The following DMD variants were observed in gnomAD, a reference collection of about 807,000 sequenced individuals.
The protein encoded by DMD is mutant dystrophin.
In DMD, 63 loss-of-function variants were observed where a neutral mutation model predicts 330.1. The ratio of observed to expected loss-of-function variants is 0.19; its 90% confidence interval spans 0.16 to 0.24. DMD has a LOEUF of 0.24. Among genes scored for constraint, DMD ranks in the 10% least tolerant of loss-of-function variants. The probability of loss-of-function intolerance (pLI) is 1.00; values close to 1 mark genes in which losing one functional copy is unlikely to be tolerated. For missense variants in DMD, 3,344 were observed against 2,684.1 expected, an observed-to-expected ratio of 1.25 and a Z score of -5.43; for synonymous variants, 1,223 against 959.8, an observed-to-expected ratio of 1.27 and a Z score of -5.07.
chrX:32,394,809 T>C (rs1399005879), intron 30 of DMD, among the ~76,000 whole-genome samples: 1 of 108,326 alleles, frequency 9.2e-6, no homozygotes, highest in Non-Finnish European at 1.9e-5. Context: ...TTAAAAGTTT[T>C]TCCATCCCCT....
chrX:32,707,750 G>C (rs181238166), intron 7 of DMD, among the ~76,000 whole-genome samples: 1 of 111,607 alleles, frequency 9.0e-6, no homozygotes, highest in Non-Finnish European at 1.9e-5. Context: ...AAACCCAGGA[G>C]AACAGACACT....
intron 52 of DMD, among the ~76,000 whole-genome samples, chrX:31,715,399 C>T (rs190312297): frequency 1.2e-3 from 127 of 104,751 alleles, no homozygotes; most frequent in African/African-American, 3.9e-3. Context: ...AAAAATTAGC[C>T]GGGCATGGTG....
At chrX:33,176,501 C>T (rs1200316488) in intron 1 of DMD, among the ~76,000 whole-genome samples, 6 of 110,004 alleles carry the variant, frequency 5.5e-5, no homozygotes, top group Non-Finnish European at 7.6e-5. Flanking sequence ...CGGCTTCATA[C>T]GTGGATTCAG....
intron 43 of DMD, among the ~76,000 whole-genome samples, chrX:32,282,369 T>C (rs941972283): frequency 2.7e-5 from 3 of 111,850 alleles, no homozygotes; most frequent in African/African-American, 9.7e-5. Flanking sequence ...AGCAGTTAGT[T>C]ACCCACCCGA....
At chrX:32,818,485 A>G (rs995010039) in intron 5 of DMD, among the ~76,000 whole-genome samples, 3 of 112,056 alleles carry the variant, frequency 2.7e-5, no homozygotes, top group Non-Finnish European at 3.8e-5. Flanking sequence ...GTGAGCCTGT[A>G]AACAGAAAAC....
intron 55 of DMD, among the ~76,000 whole-genome samples, chrX:31,604,497 C>T (rs183369320): frequency 9.0e-5 from 10 of 111,524 alleles, no homozygotes; most frequent in African/African-American, 3.3e-4. Flanking sequence ...ATGAGCAAGT[C>T]GAGTGAAGGC....
chrX:32,838,209 TTG>T (rs1336331126), intron 4 of DMD, among the ~76,000 whole-genome samples: 1 of 111,894 alleles, frequency 8.9e-6, no homozygotes, highest in East Asian at 2.8e-4. Flanking sequence ...CACTCTAAGT[TTG>T]TTAGTATTCT....
intron 55 of DMD, among the ~76,000 whole-genome samples, chrX:31,520,547 T>C (rs961217372): frequency 8.9e-6 from 1 of 111,845 alleles, no homozygotes; most frequent in Non-Finnish European, 1.9e-5. Flanking sequence ...AACGAACTAA[T>C]ATACATCGTG....
intron 11 of DMD, among the ~76,000 whole-genome samples, chrX:32,628,452 C>A (rs191910209): frequency 9.5e-6 from 1 of 105,552 alleles, no homozygotes; most frequent in Non-Finnish European, 1.9e-5. Flanking sequence ...TTTGTCAACC[C>A]TTTCAAAAAA....
chrX:32,670,433 C>T lies in DMD; in HGVS notation c.961-25281G>A, dbSNP rs376672933. ...TCATAGGTTTAGGAATTCAAGATGC[C>T]TAGGTCTATTTTACTCTGCCTCTTA... On this transcript the variant is annotated intron_variant, in intron 9 of 78. Coordinates refer to ENST00000357033, the MANE Select transcript of DMD (RefSeq NM_004006.3). Among the ~76,000 whole-genome samples, 52 of 111,644 alleles carry T rather than the reference C, an allele frequency of 4.7e-4. 1 individual carries two copies. In the South Asian group the frequency reaches 0.018, roughly 39 times the overall value.
intron 55 of DMD, among the ~76,000 whole-genome samples, chrX:31,565,280 A>ATC (rs762602130): frequency 0.022 from 2,371 of 109,627 alleles, 24 homozygotes; most frequent in Non-Finnish European, 0.035. Context: ...AGTCACATCC[A>ATC]TCTCTCTCTC....
At position 33,163,632 on chromosome X, in the gene DMD, C is replaced by CTATCTATGTATCTATGTATCTATG. The variant is rs1429986574; in HGVS notation, c.31+47649_31+47650insCATAGATACATAGATACATAGATA. Among the ~76,000 whole-genome samples the CTATCTATGTATCTATGTATCTATG allele has an allele frequency of 7.7e-5, 8 of 104,050 alleles. No individual in the cohort carries two copies. The East Asian group carries it at 2.4e-3, about 31-fold the overall frequency. 90.4% of individuals were successfully genotyped at this position (104,050 alleles called of 115,157 possible). A position where few individuals can be genotyped will look rare whatever the true frequency, so the allele number is the denominator to read the frequency against. On this transcript the variant is annotated intron_variant, in intron 1 of 78. Transcript: ENST00000357033. ...TCTATATCTATCTCTATCTATCTAT[C>CTATCTATGTATCTATGTATCTATG]TATCTATCTATCTATCTATCTATCT...
chrX:32,953,132 CAAAAAAA>C (rs956888529), intron 2 of DMD, among the ~76,000 whole-genome samples: 1 of 48,350 alleles, frequency 2.1e-5, no homozygotes, highest in South Asian at 9.5e-4. Flanking sequence ...AAGACTCCAC[CAAAAAAA>C]AAAAAAAAAA....
At chrX:32,811,306 T>C (rs2077355115) in intron 6 of DMD, among the ~76,000 whole-genome samples, 1 of 110,664 alleles carries the variant, frequency 9.0e-6, no homozygotes, top group African/African-American at 3.3e-5. Flanking sequence ...ACCACTGCAC[T>C]CCAGCCTGGG....
intron 2 of DMD, among the ~76,000 whole-genome samples, chrX:32,893,204 C>A (rs1381861183): frequency 8.9e-6 from 1 of 111,760 alleles, no homozygotes; most frequent in Non-Finnish European, 1.9e-5. Flanking sequence ...ACTGAGTAAC[C>A]AAATGGTTTC....
intron 11 of DMD, among the ~76,000 whole-genome samples, chrX:32,626,866 A>C (rs1238005155): frequency 9.5e-6 from 1 of 105,484 alleles, no homozygotes; most frequent in African/African-American, 4.0e-5. Flanking sequence ...AGGTTAAAAA[A>C]CAGAAAGTTA....
At chrX:31,295,537 C>T (rs56675943) in intron 62 of DMD, among the ~76,000 whole-genome samples, 9,171 of 110,860 alleles carry the variant, frequency 0.083, 946 homozygotes, top group African/African-American at 0.28. Context: ...CCTCAGCCTC[C>T]CAAGTAGCTG....
chrX:32,397,210 T>C (rs5927075), intron 30 of DMD, among the ~76,000 whole-genome samples: 2 of 111,780 alleles, frequency 1.8e-5, no homozygotes, highest in East Asian at 5.6e-4. Context: ...ATGTATAATT[T>C]GAGTTATATT....
At chrX:31,826,591 T>C (rs1233094560) in intron 49 of DMD, among the ~76,000 whole-genome samples, 3 of 112,466 alleles carry the variant, frequency 2.7e-5, no homozygotes, top group Non-Finnish European at 5.6e-5. Flanking sequence ...CAAAAAATGT[T>C]TGGCTGTAGC....
Sources: allele counts gnomAD v4.1 joint callset (sites outside exome capture counted in the v4.1 genomes callset), GRCh38; gene constraint gnomAD v4.1.1; transcripts MANE v1.5; gene names NCBI Gene and HGNC (gene_info 2026-07-23, HGNC 2026-07-21).